The following PEBP4 variants were observed in gnomAD, a reference collection of about 807,000 sequenced individuals.
The protein encoded by PEBP4 is phosphatidylethanolamine binding protein 4.
In PEBP4, 22 loss-of-function variants were observed where a neutral mutation model predicts 23.9. The ratio of observed to expected loss-of-function variants is 0.92; its 90% confidence interval spans 0.66 to 1.31. The LOEUF is 1.31. Ranked by LOEUF, PEBP4 falls within the 40% of genes most tolerant of loss-of-function variation. PEBP4 has a pLI of 0.00. For synonymous variants in PEBP4, 112 were observed against 99.3 expected, an observed-to-expected ratio of 1.13 and a Z score of -0.76; for missense variants, 324 against 281.7, an observed-to-expected ratio of 1.15 and a Z score of -1.07.
In PEBP4 at chr8:22,774,727, G is replaced by A. The variant is rs73671281; in HGVS notation, c.357+42910C>T. Among the ~76,000 whole-genome samples, 258 of 152,248 alleles carry A rather than the reference G, an allele frequency of 1.7e-3. 4 individuals carry two copies. Among genetic ancestry groups the A allele is most frequent in the African/African-American group, 5.8e-3 (242 of 41,526 alleles). Reference sequence around the variant, plus strand: ...GACAGGGAGCCGCTCTGGCCCAGCCGTCCCCACCAGGATAGGCTGCTGAGT... The same window carrying A: ...GACAGGGAGCCGCTCTGGCCCAGCCATCCCCACCAGGATAGGCTGCTGAGT... On this transcript the variant is annotated intron_variant, in intron 4 of 6. Coordinates refer to ENST00000256404, the MANE Select transcript of PEBP4 (RefSeq NM_144962.3).
rs369274882 is a variant in PEBP4 at position 22,927,720 on chromosome 8, C to T, written c.-6G>A. 175 of 1,613,302 alleles carry T rather than the reference C, an allele frequency of 1.1e-4. No individual in the cohort carries two copies. The African/African-American group carries it at 1.9e-3, about 18-fold the overall frequency. On this transcript the variant is annotated splice_region_variant and 5_prime_UTR_variant, in exon 2 of 7. In the 5' UTR this introduces an upstream ATG that the reference lacks. Transcript: ENST00000256404. The stretch of plus-strand genomic sequence containing the variant: ...AGCCTCATTGTCCAACCCATGGGCA[C>T]CTGGAACAGAAAGAACTTTAGAGCG...
Position 22,920,261 on chromosome 8 carries a change from C to A in PEBP4, c.181G>T (p.Val61Phe), listed in dbSNP as rs1206340773. ...PELGNIGCKV[V>F]PDCNNYRQKI... ...TGTCTGTAGTTGTTACAATCAGGAACAACCTTGCAGCCAATGTTCCCCAAC... is the reference window on the plus strand; with the variant it reads ...TGTCTGTAGTTGTTACAATCAGGAAAAACCTTGCAGCCAATGTTCCCCAAC... Residue 61 changes from valine to phenylalanine, a missense_variant, in exon 3 of 7, where the codon GTT (valine) becomes TTT (phenylalanine). Physicochemically the swap from Val to Phe is conservative, Grantham distance 50. Transcript: ENST00000256404. 4 of 1,613,722 alleles carry A rather than the reference C, an allele frequency of 2.5e-6. No homozygotes were observed. The highest frequency in any genetic ancestry group is 1.3e-5 in the African/African-American group (1 of 74,890).
At chr8:22,910,263 G>C (rs1808911190) in intron 3 of PEBP4, among the ~76,000 whole-genome samples, 1 of 152,250 alleles carries the variant, frequency 6.6e-6, no homozygotes, top group Non-Finnish European at 1.5e-5. Context: ...GGATTGTCAT[G>C]ATAGGGAAAG....
At chr8:22,883,512 TAA>T (rs779806610) in intron 3 of PEBP4, among the ~76,000 whole-genome samples, 21 of 143,916 alleles carry the variant, frequency 1.5e-4, no homozygotes, top group Admixed American at 2.8e-4. Flanking sequence ...TCTGCACACT[TAA>T]AAAAAAAAAA....
chr8:22,783,083 G>T (rs1805959812), intron 4 of PEBP4, among the ~76,000 whole-genome samples: 1 of 152,228 alleles, frequency 6.6e-6, no homozygotes, highest in Non-Finnish European at 1.5e-5. Flanking sequence ...GCTGGGTAGG[G>T]CTCCTGAGGT....
intron 2 of PEBP4, among the ~76,000 whole-genome samples, chr8:22,926,121 G>A (rs1351383613): frequency 6.6e-6 from 1 of 151,930 alleles, no homozygotes; most frequent in Non-Finnish European, 1.5e-5. Context: ...GATTACAGGT[G>A]TGCGCCACCA....
intron 4 of PEBP4, among the ~76,000 whole-genome samples, chr8:22,744,031 G>C (rs796074409): frequency 2.0e-5 from 3 of 152,190 alleles, no homozygotes; most frequent in South Asian, 2.1e-4. Flanking sequence ...TGCTGTGCAG[G>C]GAGTATTTTT....
In PEBP4 at chr8:22,833,263, A is replaced by T. The variant is rs375283229; in HGVS notation, c.259-15528T>A. Among the ~76,000 whole-genome samples the T allele has an allele frequency of 3.9e-5, 6 of 152,274 alleles. No homozygotes were observed. The East Asian group carries it at 7.7e-4, about 20-fold the overall frequency. Reference sequence around the variant, plus strand: ...TTTTAAAACAGGGCCCTTGACTCCTAAGGCTCAGTTATCCATCAAGCCTAT... The same window carrying T: ...TTTTAAAACAGGGCCCTTGACTCCTTAGGCTCAGTTATCCATCAAGCCTAT... On this transcript the variant is annotated intron_variant, in intron 3 of 6. Coordinates refer to ENST00000256404, the MANE Select transcript of PEBP4 (RefSeq NM_144962.3).
At chr8:22,877,054 T>G (rs982922107) in intron 3 of PEBP4, among the ~76,000 whole-genome samples, 1 of 152,246 alleles carries the variant, frequency 6.6e-6, no homozygotes, top group Non-Finnish European at 1.5e-5. Context: ...GAATTATGAT[T>G]TGGGTTTCAG....
chr8:22,758,153 T>C (rs564630656), intron 4 of PEBP4: 2 of 152,386 alleles, frequency 1.3e-5, no homozygotes, highest in African/African-American at 2.4e-5. Flanking sequence ...GTGTTCTCTG[T>C]AGCCTGATTT....
intron 3 of PEBP4, among the ~76,000 whole-genome samples, chr8:22,864,575 G>A (rs1372879394): frequency 3.3e-5 from 5 of 152,214 alleles, no homozygotes; most frequent in African/African-American, 1.2e-4. Flanking sequence ...AAGCTTGGGG[G>A]AGGGGTGAGG....
At chr8:22,924,597 G>T in intron 2 of PEBP4, 3 of 933,802 alleles carry the variant, frequency 3.2e-6, no homozygotes, top group Non-Finnish European at 2.6e-6. Flanking sequence ...GCAGGGCCTC[G>T]GGGTAAGAAT....
chr8:22,913,989 T>G, intron 3 of PEBP4, among the ~76,000 whole-genome samples: 1 of 149,076 alleles, frequency 6.7e-6, no homozygotes, highest in Non-Finnish European at 1.5e-5. Flanking sequence ...TGGCTACTTT[T>G]TTTTTTTTTT....
At chr8:22,742,377 T>C (rs1805015303) in intron 4 of PEBP4, among the ~76,000 whole-genome samples, 1 of 152,178 alleles carries the variant, frequency 6.6e-6, no homozygotes, top group African/African-American at 2.4e-5. Flanking sequence ...CCAGTGGCGC[T>C]GCCAGCCCTA....
At chr8:22,739,359 A>G (rs1804940980) in intron 4 of PEBP4, among the ~76,000 whole-genome samples, 1 of 152,176 alleles carries the variant, frequency 6.6e-6, no homozygotes, top group South Asian at 2.1e-4. Flanking sequence ...ACTCAACTGG[A>G]GAGAAGAGAG....
At chr8:22,810,709 TGTGTGAGAGA>T (rs1285978024) in intron 4 of PEBP4, among the ~76,000 whole-genome samples, 1 of 113,282 alleles carries the variant, frequency 8.8e-6, no homozygotes, top group African/African-American at 3.5e-5. Flanking sequence ...TGTGTGTGTG[TGTGTGAGAGA>T]GAGAGAGAGA....
chr8:22,913,176 C>A (rs73555875), intron 3 of PEBP4, among the ~76,000 whole-genome samples: 2,068 of 152,268 alleles, frequency 0.014, 43 homozygotes, highest in African/African-American at 0.045. Flanking sequence ...TTCCCTAAAC[C>A]CTCACCTGAT....
At chr8:22,734,411 G>T (rs1042482881) in intron 4 of PEBP4, among the ~76,000 whole-genome samples, 1 of 152,246 alleles carries the variant, frequency 6.6e-6, no homozygotes, top group Non-Finnish European at 1.5e-5. Flanking sequence ...CCTGGGAGCT[G>T]AGTACTTCTA....
chr8:22,928,542 G>A (rs750517944), upstream of PEBP4, among the ~76,000 whole-genome samples: 8 of 152,168 alleles, frequency 5.3e-5, no homozygotes, highest in African/African-American at 9.7e-5. Flanking sequence ...GGGGACTGTC[G>A]CCTGCATTCC....
Sources: gnomAD v4.1 joint callset for allele counts (sites outside exome capture counted in the v4.1 genomes callset) on GRCh38, gnomAD v4.1.1 for gene constraint, MANE v1.5 for transcripts, NCBI Gene and HGNC (gene_info 2026-07-23, HGNC 2026-07-21) for gene names.